CAST: variants seen among roughly 807,000 people sequenced by gnomAD.
CAST encodes calpastatin.
CAST carries 76 observed loss-of-function variants against 119.6 expected under a neutral mutation model. The ratio of observed to expected loss-of-function variants is 0.64; its 90% CI spans 0.53 to 0.77. CAST has a LOEUF of 0.77. Ranked by LOEUF, CAST falls within the 30% of genes least tolerant of loss-of-function variation. CAST has a pLI of 0.00. For synonymous variants in CAST, 319 were observed against 331.6 expected, an observed-to-expected ratio of 0.96 and a Z score of 0.41; for missense variants, 953 against 946.5, an observed-to-expected ratio of 1.01 and a Z score of -0.09.
chr5:96,032,182 G>A, the CAST span, among the ~76,000 whole-genome samples: 3 of 152,126 alleles, frequency 2.0e-5, no homozygotes, highest in Non-Finnish European at 4.4e-5. Flanking sequence ...AATAACAGGA[G>A]GCAGGATCAC....
chr5:96,139,881 A>G, the CAST span, among the ~76,000 whole-genome samples: 17 of 152,192 alleles, frequency 1.1e-4, no homozygotes, highest in African/African-American at 4.1e-4. Context: ...GGGAGGGCAA[A>G]CTCTCATCAG....
chr5:96,659,318 A>T (rs113433514), upstream of CAST, among the ~76,000 whole-genome samples: 6,305 of 152,304 alleles, frequency 0.041, 175 homozygotes, highest in Middle Eastern at 0.092. Flanking sequence ...TTTGTAAAAA[A>T]CACAGTATCT....
the CAST span, among the ~76,000 whole-genome samples, chr5:96,194,311 G>A: frequency 5.3e-5 from 8 of 152,254 alleles, no homozygotes; most frequent in Admixed American, 2.0e-4. Context: ...ACTGAGACTC[G>A]CCTCAGACCT....
At chr5:96,322,024 A>G in the CAST span, among the ~76,000 whole-genome samples, 2 of 152,220 alleles carry the variant, frequency 1.3e-5, no homozygotes, top group East Asian at 1.9e-4. Flanking sequence ...ATCACAAACT[A>G]CAATCCTTTC....
the CAST span, among the ~76,000 whole-genome samples, chr5:96,294,497 A>G: frequency 2.8e-4 from 42 of 152,360 alleles, no homozygotes; most frequent in African/African-American, 9.4e-4. Context: ...CAGGAAGTTG[A>G]TTTGCTTTTC....
the CAST span, chr5:96,432,772 T>A: frequency 9.6e-7 from 1 of 1,042,238 alleles, no homozygotes; most frequent in Non-Finnish European, 1.5e-6. Context: ...CTCTGGAGAG[T>A]GCAACCTGGG....
At chr5:96,119,714 TC>T in the CAST span, among the ~76,000 whole-genome samples, 3 of 152,232 alleles carry the variant, frequency 2.0e-5, no homozygotes, top group Non-Finnish European at 4.4e-5. Flanking sequence ...ACAAGGTTAT[TC>T]ATCTATGAAC....
At chr5:96,551,424 A>C (rs192209194) in intron 1 of CAST, among the ~76,000 whole-genome samples, 31 of 152,356 alleles carry the variant, frequency 2.0e-4, no homozygotes, top group Non-Finnish European at 4.0e-4. Flanking sequence ...GGAAGCATGA[A>C]ACATGGAAAG....
At chr5:96,646,959 G>A (rs1267123899) in intron 1 of CAST, among the ~76,000 whole-genome samples, 1 of 152,162 alleles carries the variant, frequency 6.6e-6, no homozygotes, top group Non-Finnish European at 1.5e-5. Flanking sequence ...CTCTGTTGCG[G>A]ACTACCAAAT....
chr5:96,256,626 CCTAAACATAT>C, the CAST span, among the ~76,000 whole-genome samples: 1 of 151,526 alleles, frequency 6.6e-6, no homozygotes, highest in East Asian at 1.9e-4. Context: ...TATTTGTGTA[CCTAAACATAT>C]CTAAACATAG....
chr5:96,080,924 C>A, the CAST span, among the ~76,000 whole-genome samples: 1 of 152,108 alleles, frequency 6.6e-6, no homozygotes. Context: ...GAGTGTGAAG[C>A]CTTAACTGAT....
the CAST span, among the ~76,000 whole-genome samples, chr5:96,143,849 G>T: frequency 6.6e-6 from 1 of 152,044 alleles, no homozygotes; most frequent in African/African-American, 2.4e-5. Flanking sequence ...GAAAAACAAA[G>T]ATTTGAGTTT....
At chr5:96,333,263 T>C in the CAST span, among the ~76,000 whole-genome samples, 4 of 152,098 alleles carry the variant, frequency 2.6e-5, no homozygotes, top group African/African-American at 9.7e-5. Context: ...AGTGTGTTCC[T>C]GGTGGGACTT....
intron 3 of CAST, among the ~76,000 whole-genome samples, chr5:96,721,073 TTATC>T (rs1332955216): frequency 8.5e-5 from 13 of 152,196 alleles, no homozygotes; most frequent in African/African-American, 2.9e-4. Flanking sequence ...ATTCATATAT[TTATC>T]CATTAATTTG....
At chr5:96,562,834 T>C (rs1357331303) in intron 1 of CAST, among the ~76,000 whole-genome samples, 2 of 152,322 alleles carry the variant, frequency 1.3e-5, no homozygotes, top group Non-Finnish European at 1.5e-5. Flanking sequence ...TCACTTGGAA[T>C]GTGGAAGGAT....
At chr5:96,044,824 A>G in the CAST span, among the ~76,000 whole-genome samples, 1 of 152,202 alleles carries the variant, frequency 6.6e-6, no homozygotes, top group Non-Finnish European at 1.5e-5. Flanking sequence ...GAATGAATGA[A>G]TGACTGTTGT....
the CAST span, among the ~76,000 whole-genome samples, chr5:96,063,013 C>G: frequency 6.6e-6 from 1 of 152,138 alleles, no homozygotes; most frequent in African/African-American, 2.4e-5. Flanking sequence ...ACACCTCCCT[C>G]TCTCACATAA....
At chr5:96,516,527 G>A in the CAST span, among the ~76,000 whole-genome samples, 3 of 152,162 alleles carry the variant, frequency 2.0e-5, no homozygotes, top group African/African-American at 7.2e-5. Context: ...ATGTCAGTTA[G>A]TTTCTTAATG....
chr5:96,426,698 G>A, the CAST span, among the ~76,000 whole-genome samples: 6 of 152,076 alleles, frequency 3.9e-5, no homozygotes, highest in African/African-American at 1.4e-4. Context: ...ATTTTTCTTG[G>A]CAATATGACT....
Sources: gnomAD v4.1 joint callset for allele counts (sites outside exome capture counted in the v4.1 genomes callset) on GRCh38, gnomAD v4.1.1 for gene constraint, MANE v1.5 for transcripts, NCBI Gene and HGNC (gene_info 2026-07-23, HGNC 2026-07-21) for gene names.